Variants in NFATC3 observed in about 807,000 individuals in gnomAD.
NFATC3 encodes nuclear factor of activated T-cells, cytoplasmic 3.
In NFATC3, 46 loss-of-function variants were observed where a neutral mutation model predicts 98.6. The observed-to-expected ratio is 0.47, with a 90% CI of 0.37 to 0.60. NFATC3 has a LOEUF of 0.60. NFATC3 is among the 20% of genes least tolerant of loss of function. The pLI, the probability that NFATC3 is intolerant of heterozygous loss-of-function variation, is 0.00. For synonymous variants in NFATC3, 512 were observed against 472.2 expected (o/e 1.08, Z -1.09); for missense variants, 1,256 against 1,295.5 (o/e 0.97, Z 0.47).
chr16:68,209,568 G>A, intron 9 of NFATC3: 1 of 322,490 alleles, frequency 3.1e-6, no homozygotes, highest in Non-Finnish European at 6.2e-6. Flanking sequence ...CGTGGAATTT[G>A]CAAAGCTGCT....
intron 6 of NFATC3, among the ~76,000 whole-genome samples, chr16:68,177,736 G>A (rs2039780117): frequency 6.6e-6 from 1 of 151,684 alleles, no homozygotes; most frequent in Non-Finnish European, 1.5e-5. Flanking sequence ...CCTTCTTCTT[G>A]GAGTTTAATT....
chr16:68,128,937 A>C (rs1190919129), intron 3 of NFATC3, among the ~76,000 whole-genome samples: 1 of 152,064 alleles, frequency 6.6e-6, no homozygotes, highest in Non-Finnish European at 1.5e-5. Context: ...CAACAAATAA[A>C]TAAATAAAAT....
At chr16:68,120,883 C>T (rs1340250812) in intron 1 of NFATC3, among the ~76,000 whole-genome samples, 1 of 152,108 alleles carries the variant, frequency 6.6e-6, no homozygotes, top group African/African-American at 2.4e-5. Flanking sequence ...TGGAATGTTC[C>T]AATATCCTAT....
intron 1 of NFATC3, 176 bp downstream of exon 1, chr16:68,085,960 C>T (rs2034346278): frequency 2.1e-6 from 1 of 471,544 alleles, no homozygotes; most frequent in Admixed American, 4.5e-5. Flanking sequence ...GCGTGTGGGT[C>T]GCTGCGACGT....
intron 9 of NFATC3, among the ~76,000 whole-genome samples, chr16:68,212,081 T>G (rs2041429147): frequency 6.6e-6 from 1 of 152,212 alleles, no homozygotes; most frequent in African/African-American, 2.4e-5. Flanking sequence ...TTCTATACCT[T>G]CAAGTCTGTT....
At chr16:68,210,496 A>G (rs2041339673) in intron 9 of NFATC3, among the ~76,000 whole-genome samples, 4 of 151,942 alleles carry the variant, frequency 2.6e-5, no homozygotes, top group African/African-American at 9.7e-5. Flanking sequence ...ATTTTTACAA[A>G]CACTTTTCTG....
Position 68,122,170 on chromosome 16 carries a change from A to G in NFATC3, c.287A>G (p.Lys96Arg). ...GGAACTTGTGAGATTCCTGAATCTA[A>G]ATATAGCCCATTAGGTGGTCCCAAA... ...YEGTCEIPES[K>R]YSPLGGPKPF... Residue 96 changes from lysine (K) to arginine (R), a missense_variant, in exon 2 of 10, where the codon AAA becomes AGA. Physicochemically the swap from Lys to Arg is conservative, Grantham distance 26. This residue lies in a region of NFATC3 where 464 missense variants were observed against 465.7 expected (regional missense o/e 1.00). Transcript: ENST00000346183. The G allele has an allele frequency of 1.2e-6, 2 of 1,614,098 alleles. No individual in the cohort carries two copies. Among genetic ancestry groups the G allele is most frequent in the Non-Finnish European group, 1.7e-6 (2 of 1,180,026 alleles).
intron 4 of NFATC3, among the ~76,000 whole-genome samples, chr16:68,162,669 A>G (rs547580234): frequency 2.6e-5 from 4 of 151,934 alleles, no homozygotes; most frequent in East Asian, 3.9e-4. Flanking sequence ...CATAAAATAC[A>G]TAAGTGTTCC....
chr16:68,122,165 A>G lies in NFATC3; in HGVS notation c.282A>G (p.Glu94=), dbSNP rs1258658093. The G allele has an allele frequency of 1.2e-6, 2 of 1,613,972 alleles. No individual in the cohort carries two copies. Among genetic ancestry groups the G allele is most frequent in the African/African-American group, 1.3e-5 (1 of 74,910 alleles). The stretch of plus-strand genomic sequence containing the variant: ...ATGAAGGAACTTGTGAGATTCCTGA[A>G]TCTAAATATAGCCCATTAGGTGGTC... The part of the protein sequence containing the change: ...KNYEGTCEIP[E]SKYSPLGGPK... The change falls in exon 2 of 10, where the codon GAA becomes GAG. Residue 94 remains glutamate (E), a synonymous_variant. Transcript: ENST00000346183.
intron 3 of NFATC3, among the ~76,000 whole-genome samples, chr16:68,147,079 TC>T (rs1258545077): frequency 5.3e-5 from 8 of 152,210 alleles, no homozygotes; most frequent in African/African-American, 1.9e-4. Context: ...TGAAATATAT[TC>T]CCTTTGAAAT....
chr16:68,179,389 T>G (rs2039861930), intron 6 of NFATC3, among the ~76,000 whole-genome samples: 1 of 152,246 alleles, frequency 6.6e-6, no homozygotes, highest in Non-Finnish European at 1.5e-5. Flanking sequence ...CACATAAGGA[T>G]CCAGCAAATG....
intron 6 of NFATC3, among the ~76,000 whole-genome samples, chr16:68,178,056 A>C (rs1057006831): frequency 6.6e-6 from 1 of 152,010 alleles, no homozygotes; most frequent in Non-Finnish European, 1.5e-5. Context: ...TGGCTCTTAA[A>C]TATAGATGTT....
intron 9 of NFATC3, among the ~76,000 whole-genome samples, chr16:68,216,188 C>T (rs1013524660): frequency 5.3e-5 from 8 of 151,946 alleles, no homozygotes; most frequent in Non-Finnish European, 7.4e-5. Flanking sequence ...TCAGGTTTGG[C>T]CCTTAGAGAT....
chr16:68,109,751 A>G (rs1014139097), intron 1 of NFATC3, among the ~76,000 whole-genome samples: 2 of 152,084 alleles, frequency 1.3e-5, no homozygotes, highest in African/African-American at 4.8e-5. Context: ...TCAATTTCAT[A>G]ACTCATTATT....
intron 3 of NFATC3, among the ~76,000 whole-genome samples, chr16:68,154,648 T>TCAAGTCAAGTAA (rs2038514746): frequency 6.6e-6 from 1 of 152,176 alleles, no homozygotes; most frequent in Admixed American, 6.5e-5. Context: ...CGTATCTGAA[T>TCAAGTCAAGTAA]CAAGTCAAGT....
intron 4 of NFATC3, among the ~76,000 whole-genome samples, chr16:68,164,703 C>A (rs976679780): frequency 1.9e-4 from 29 of 151,980 alleles, no homozygotes; most frequent in African/African-American, 7.0e-4. Flanking sequence ...CATGGTGAAA[C>A]CCCGTCTCTA....
intron 3 of NFATC3, among the ~76,000 whole-genome samples, chr16:68,156,526 A>G (rs1415660008): frequency 6.6e-6 from 1 of 152,270 alleles, no homozygotes; most frequent in Non-Finnish European, 1.5e-5. Context: ...GTGGTTCAAC[A>G]TATGAAAATT....
chr16:68,171,675 A>C (rs1382602784), intron 5 of NFATC3, among the ~76,000 whole-genome samples: 1 of 152,048 alleles, frequency 6.6e-6, no homozygotes. Context: ...GGGTTTCACC[A>C]TGTTGGCCAG....
At chr16:68,114,556 T>G (rs531369628) in intron 1 of NFATC3, among the ~76,000 whole-genome samples, 1 of 151,378 alleles carries the variant, frequency 6.6e-6, no homozygotes, top group African/African-American at 2.4e-5. Context: ...TGGCAGCACA[T>G]CAAGGGCCAA....
Sources: allele counts gnomAD v4.1 joint callset (sites outside exome capture counted in the v4.1 genomes callset), GRCh38; gene constraint gnomAD v4.1.1; regional missense constraint gnomAD v4.1.1; transcripts MANE v1.5; gene names NCBI Gene and HGNC (gene_info 2026-07-23, HGNC 2026-07-21).